Variants in FAF1 observed in about 807,000 individuals in gnomAD.
The protein encoded by FAF1 is Fas associated factor 1.
In FAF1, 25 loss-of-function variants were observed where a neutral mutation model predicts 92.5. The observed-to-expected ratio is 0.27, with a 90% CI of 0.20 to 0.38. FAF1 has a LOEUF of 0.38. FAF1 is among the 10% of genes least tolerant of loss of function. The pLI, the probability that FAF1 is intolerant of heterozygous loss-of-function variation, is 1.00. For synonymous variants in FAF1, 234 were observed against 273.2 expected (o/e 0.86, Z 1.42); for missense variants, 636 against 793.3 (o/e 0.80, Z 2.38).
At chr1:50,513,269 C>A (rs1436955549) in intron 15 of FAF1, among the ~76,000 whole-genome samples, 1 of 152,114 alleles carries the variant, frequency 6.6e-6, no homozygotes, top group Non-Finnish European at 1.5e-5. Flanking sequence ...TGCTTGAGCC[C>A]AGGAGTTCAA....
intron 6 of FAF1, among the ~76,000 whole-genome samples, chr1:50,725,623 T>G (rs2124463099): frequency 6.6e-6 from 1 of 152,102 alleles, no homozygotes; most frequent in Non-Finnish European, 1.5e-5. Flanking sequence ...GCCCAGCTAA[T>G]TTTTGTATTT....
At chr1:50,884,602 A>C (rs1644642468) in intron 1 of FAF1, among the ~76,000 whole-genome samples, 1 of 152,080 alleles carries the variant, frequency 6.6e-6, no homozygotes, top group South Asian at 2.1e-4. Flanking sequence ...GATCTCTCAG[A>C]CACATCCCCC....
intron 2 of FAF1, among the ~76,000 whole-genome samples, chr1:50,855,155 A>C (rs1379222814): frequency 6.6e-6 from 1 of 151,842 alleles, no homozygotes; most frequent in Non-Finnish European, 1.5e-5. Context: ...TCGGATAAGG[A>C]ATACTTGACC....
At chr1:50,840,224 G>A (rs776124816) in intron 2 of FAF1, among the ~76,000 whole-genome samples, 10 of 151,834 alleles carry the variant, frequency 6.6e-5, no homozygotes, top group Admixed American at 1.3e-4. Context: ...CAGAGGATAC[G>A]AAAGCATAAA....
chr1:50,832,452 G>GCT (rs1326696503), intron 2 of FAF1, among the ~76,000 whole-genome samples: 1 of 152,186 alleles, frequency 6.6e-6, no homozygotes, highest in Non-Finnish European at 1.5e-5. Flanking sequence ...GATTGCCTGG[G>GCT]CTAGTAAGTG....
At chr1:50,618,105 C>T (rs1653013536) in intron 8 of FAF1, among the ~76,000 whole-genome samples, 1 of 152,050 alleles carries the variant, frequency 6.6e-6, no homozygotes, top group South Asian at 2.1e-4. Flanking sequence ...GAAGAGCCAA[C>T]TCTTGTTTTC....
intron 6 of FAF1, among the ~76,000 whole-genome samples, chr1:50,712,591 G>A (rs1293490777): frequency 6.6e-6 from 1 of 152,166 alleles, no homozygotes; most frequent in Non-Finnish European, 1.5e-5. Flanking sequence ...GGGAGGCAGA[G>A]GTTGCAGTGA....
At chr1:50,449,192 T>C (rs999818070) in intron 18 of FAF1, among the ~76,000 whole-genome samples, 1 of 152,174 alleles carries the variant, frequency 6.6e-6, no homozygotes, top group African/African-American at 2.4e-5. Context: ...TCACATATAT[T>C]ATCTAAACGT....
At chr1:50,804,152 A>G (rs1405510872) in intron 2 of FAF1, among the ~76,000 whole-genome samples, 1 of 152,210 alleles carries the variant, frequency 6.6e-6, no homozygotes, top group African/African-American at 2.4e-5. Context: ...CAATTAAGAC[A>G]TAGTGATGAA....
chr1:50,602,999 A>G (rs748299839), intron 8 of FAF1, among the ~76,000 whole-genome samples: 1 of 152,174 alleles, frequency 6.6e-6, no homozygotes, highest in Non-Finnish European at 1.5e-5. Flanking sequence ...TTTAGAGATG[A>G]GGTTACTAAA....
At chr1:50,888,490 C>T (rs1272607046) in intron 1 of FAF1, among the ~76,000 whole-genome samples, 1 of 152,114 alleles carries the variant, frequency 6.6e-6, no homozygotes, top group East Asian at 1.9e-4. Flanking sequence ...TTTGCCCATT[C>T]AGTATGATAT....
At chr1:50,863,745 T>C (rs538038433) in intron 1 of FAF1, among the ~76,000 whole-genome samples, 19 of 152,178 alleles carry the variant, frequency 1.2e-4, no homozygotes, top group African/African-American at 4.6e-4. Context: ...ATTCCCTCTT[T>C]TTCTATTGAT....
chr1:50,609,275 G>C (rs1469901257), intron 8 of FAF1, among the ~76,000 whole-genome samples: 1 of 152,128 alleles, frequency 6.6e-6, no homozygotes, highest in Non-Finnish European at 1.5e-5. Context: ...GAATGAACCT[G>C]GCATAGCTTG....
chr1:50,629,389 G>A (rs917173814), intron 8 of FAF1, among the ~76,000 whole-genome samples: 2 of 151,976 alleles, frequency 1.3e-5, no homozygotes, highest in Non-Finnish European at 2.9e-5. Flanking sequence ...GGCTGGTCTC[G>A]AACTCCTGAC....
intron 7 of FAF1, among the ~76,000 whole-genome samples, chr1:50,697,072 G>T (rs1657266027): frequency 6.6e-6 from 1 of 152,192 alleles, no homozygotes; most frequent in Admixed American, 6.5e-5. Flanking sequence ...CCTGGGATGT[G>T]AGGTGCTCTT....
At chr1:50,865,745 G>A (rs1247102139) in intron 1 of FAF1, among the ~76,000 whole-genome samples, 20 of 136,360 alleles carry the variant, frequency 1.5e-4, no homozygotes, top group Non-Finnish European at 2.4e-4. Flanking sequence ...GCTAAATGAC[G>A]AGTTAATGGG....
intron 3 of FAF1, among the ~76,000 whole-genome samples, chr1:50,791,045 G>A (rs1219876773): frequency 6.6e-6 from 1 of 152,114 alleles, no homozygotes; most frequent in Non-Finnish European, 1.5e-5. Flanking sequence ...TTCAAAAACA[G>A]TTAGTTTTTC....
intron 12 of FAF1, among the ~76,000 whole-genome samples, chr1:50,570,345 T>C (rs921659376): frequency 6.6e-6 from 1 of 152,218 alleles, no homozygotes; most frequent in African/African-American, 2.4e-5. Context: ...AAAACCCACA[T>C]TGACCTCTCT....
chr1:50,785,060 A>G (rs1205169230), intron 4 of FAF1, among the ~76,000 whole-genome samples: 3 of 151,310 alleles, frequency 2.0e-5, no homozygotes, highest in African/African-American at 7.3e-5. Context: ...ACATAAACAT[A>G]AGACTTGAAA....
Sources: gnomAD v4.1 joint callset for allele counts (sites outside exome capture counted in the v4.1 genomes callset) on GRCh38, gnomAD v4.1.1 for gene constraint, MANE v1.5 for transcripts, NCBI Gene and HGNC (gene_info 2026-07-23, HGNC 2026-07-21) for gene names.